NYAP2: variants seen among roughly 807,000 people sequenced by gnomAD.
NYAP2 encodes the protein neuronal tyrosine-phosphorylated phosphoinositide-3-kinase adapter 2.
Under a neutral mutation model 50.4 loss-of-function variants are expected in NYAP2, and 23 were observed. The observed-to-expected ratio is 0.46, with a 90% CI of 0.33 to 0.65. The LOEUF is 0.65. NYAP2 is among the 30% of genes least tolerant of loss of function. The pLI is 0.02. For missense variants in NYAP2, 885 were observed against 861.0 expected (o/e 1.03, Z -0.35); for synonymous variants, 394 against 365.2 (o/e 1.08, Z -0.90).
chr2:225,484,341 T>G (rs988929485), intron 3 of NYAP2, among the ~76,000 whole-genome samples: 1 of 152,240 alleles, frequency 6.6e-6, no homozygotes, highest in Non-Finnish European at 1.5e-5. Context: ...AGGGCAGCCC[T>G]TCACTGGGGC....
intron 4 of NYAP2, among the ~76,000 whole-genome samples, chr2:225,550,589 G>T (rs1276231812): frequency 1.3e-5 from 2 of 152,160 alleles, no homozygotes; most frequent in African/African-American, 4.8e-5. Context: ...TAGGGAAATG[G>T]GTGGCAGCTG....
intron 6 of NYAP2, among the ~76,000 whole-genome samples, chr2:225,644,750 G>C (rs1278488314): frequency 6.7e-6 from 1 of 148,214 alleles, no homozygotes; most frequent in East Asian, 2.0e-4. Context: ...TCAGATAGTT[G>C]TAGATATGCG....
At chr2:225,468,642 G>A (rs986618597) in intron 3 of NYAP2, among the ~76,000 whole-genome samples, 2 of 152,128 alleles carry the variant, frequency 1.3e-5, no homozygotes, top group Non-Finnish European at 2.9e-5. Flanking sequence ...AGAAAAAGAG[G>A]TATGATCAAA....
intron 4 of NYAP2, among the ~76,000 whole-genome samples, chr2:225,557,423 CATGTTTGTATGT>C (rs565293374): frequency 1.8e-3 from 272 of 152,122 alleles, no homozygotes; most frequent in African/African-American, 6.3e-3. Flanking sequence ...TTTATGTATG[CATGTTTGTATGT>C]ATGTTTGTAT....
At chr2:225,642,572 CCAG>C (rs1693552177) in intron 6 of NYAP2, among the ~76,000 whole-genome samples, 1 of 152,074 alleles carries the variant, frequency 6.6e-6, no homozygotes, top group African/African-American at 2.4e-5. Flanking sequence ...CCCAAAAGCT[CCAG>C]CAGAAGTATG....
chr2:225,545,039 T>C (rs994303915), intron 4 of NYAP2, among the ~76,000 whole-genome samples: 1 of 152,228 alleles, frequency 6.6e-6, no homozygotes, highest in Non-Finnish European at 1.5e-5. Flanking sequence ...AGATTTCAAC[T>C]GAAACATCTG....
chr2:225,418,898 TCA>T (rs2106125435), intron 3 of NYAP2, among the ~76,000 whole-genome samples: 1 of 152,316 alleles, frequency 6.6e-6, no homozygotes, highest in Admixed American at 6.5e-5. Context: ...TGTAATAACA[TCA>T]CACATGAGAT....
At chr2:225,522,677 G>A (rs1011131726) in intron 4 of NYAP2, among the ~76,000 whole-genome samples, 5 of 152,126 alleles carry the variant, frequency 3.3e-5, no homozygotes, top group African/African-American at 4.8e-5. Flanking sequence ...GCAACAGAGA[G>A]AACACAAATG....
intron 3 of NYAP2, among the ~76,000 whole-genome samples, chr2:225,506,877 A>G (rs533201416): frequency 2.0e-5 from 3 of 152,124 alleles, no homozygotes; most frequent in East Asian, 1.9e-4. Context: ...GTATGGTTGA[A>G]TGTGCCCTTT....
chr2:225,677,870 A>C, the NYAP2 span, among the ~76,000 whole-genome samples: 3 of 151,992 alleles, frequency 2.0e-5, no homozygotes. Context: ...TTGGCATGAA[A>C]TTTACTTTTT....
At chr2:225,692,202 C>T in the NYAP2 span, among the ~76,000 whole-genome samples, 1 of 152,000 alleles carries the variant, frequency 6.6e-6, no homozygotes, top group African/African-American at 2.4e-5. Flanking sequence ...GATATGCATG[C>T]TTGTATCAGT....
In NYAP2 at chr2:225,590,893, A is replaced by C. The variant is rs547309488; in HGVS notation, c.1618+7858A>C. Among the ~76,000 whole-genome samples the C allele has an allele frequency of 2.0e-3, 303 of 152,318 alleles. 4 individuals are homozygous for C. The highest frequency in any genetic ancestry group is 6.9e-3 in the African/African-American group (287 of 41,556). The stretch of plus-strand genomic sequence containing the variant: ...TGTGAATCGCATCTATCCTTGTCTT[A>C]GCATCTCCATCTTAGCTGTGCCGAG... On this transcript the variant is annotated intron_variant, in intron 5 of 6. Coordinates refer to ENST00000636099, the Ensembl canonical transcript of NYAP2.
At chr2:225,492,080 G>A (rs1690417492) in intron 3 of NYAP2, among the ~76,000 whole-genome samples, 1 of 152,148 alleles carries the variant, frequency 6.6e-6, no homozygotes, top group African/African-American at 2.4e-5. Context: ...TTAAGGCCAG[G>A]AGAAGATCCA....
chr2:225,482,116 A>T (rs1005119517), intron 3 of NYAP2, among the ~76,000 whole-genome samples: 6 of 152,168 alleles, frequency 3.9e-5, no homozygotes, highest in Non-Finnish European at 2.9e-5. Context: ...TTCCTATTCC[A>T]TTATATTCTA....
chr2:225,617,374 A>G (rs992644932), intron 5 of NYAP2, among the ~76,000 whole-genome samples: 1 of 152,156 alleles, frequency 6.6e-6, no homozygotes, highest in African/African-American at 2.4e-5. Flanking sequence ...GGTTGCGGTG[A>G]GCCGAGATTG....
intron 3 of NYAP2, among the ~76,000 whole-genome samples, chr2:225,487,072 T>G (rs542433648): frequency 6.6e-6 from 1 of 152,346 alleles, no homozygotes; most frequent in Non-Finnish European, 1.5e-5. Flanking sequence ...GTTTAGATTC[T>G]CTTGAACACC....
At chr2:225,534,852 G>A in intron 4 of NYAP2, among the ~76,000 whole-genome samples, 1 of 152,234 alleles carries the variant, frequency 6.6e-6, no homozygotes, top group East Asian at 1.9e-4. Flanking sequence ...CTGAGTCAGA[G>A]TAGCCTCTGG....
the NYAP2 span, among the ~76,000 whole-genome samples, chr2:225,674,403 C>G: frequency 6.6e-6 from 1 of 152,196 alleles, no homozygotes; most frequent in East Asian, 1.9e-4. Flanking sequence ...TATCTAGAAG[C>G]TTTGCTGTGG....
the NYAP2 span, among the ~76,000 whole-genome samples, chr2:225,692,963 C>T: frequency 1.3e-4 from 19 of 151,978 alleles, no homozygotes; most frequent in East Asian, 1.4e-3. Flanking sequence ...AATTCACATA[C>T]GAGTTCCAAA....
Sources: gnomAD v4.1 joint callset for allele counts (sites outside exome capture counted in the v4.1 genomes callset) on GRCh38, gnomAD v4.1.1 for gene constraint, MANE v1.5 for transcripts, NCBI Gene and HGNC (gene_info 2026-07-23, HGNC 2026-07-21) for gene names.